Variants in CACNA1E observed in about 807,000 individuals in gnomAD.
The protein encoded by CACNA1E is calcium voltage-gated channel subunit alpha1 E, also known as voltage-dependent R-type calcium channel subunit alpha-1E.
In CACNA1E, 40 loss-of-function variants were observed where a neutral mutation model predicts 259.2. The ratio of observed to expected loss-of-function variants is 0.15; its 90% CI spans 0.12 to 0.20. The LOEUF is 0.20. Among genes scored for constraint, CACNA1E ranks in the 10% least tolerant of loss-of-function variants. CACNA1E has a pLI of 1.00. For synonymous variants in CACNA1E, 1,104 were observed against 1,138.5 expected, an observed-to-expected ratio of 0.97 and a Z score of 0.61; for missense variants, 1,874 against 3,040.1, an observed-to-expected ratio of 0.62 and a Z score of 9.02.
At chr1:181,360,932 C>T (rs1285591809) in intron 1 of CACNA1E, among the ~76,000 whole-genome samples, 1 of 152,154 alleles carries the variant, frequency 6.6e-6, no homozygotes, top group Non-Finnish European at 1.5e-5. Context: ...CAAGGACCCA[C>T]AGTGCTCTCA....
At chr1:181,420,569 G>C (rs59494112) in intron 2 of CACNA1E, among the ~76,000 whole-genome samples, 7,448 of 152,216 alleles carry the variant, frequency 0.049, 554 homozygotes, top group African/African-American at 0.16. Context: ...TTACAGGAGA[G>C]AAAAATGAGC....
rs1025683433 is a variant in CACNA1E, at chr1:181,807,693, C to T, written c.*8859C>T. ...TTTGAGCCAAGATATTTTCTTGAGC[C>T]CTAAGATATATGACTTTATTAGCTA... is the stretch of plus-strand genomic sequence containing the variant. On this transcript the variant is annotated 3_prime_UTR_variant, in exon 48 of 48. Coordinates refer to ENST00000367573, the MANE Select transcript of CACNA1E (RefSeq NM_001205293.3). 1 of 151,734 alleles carries T rather than the reference C, an allele frequency of 6.6e-6. No individual in the cohort carries two copies. The highest frequency in any genetic ancestry group is 2.4e-5 in the African/African-American group (1 of 41,276). The allele number at this position is 151,734 out of a possible 1,614,324, so 9.4% of individuals were successfully genotyped here.
intron 2 of CACNA1E, among the ~76,000 whole-genome samples, chr1:181,477,706 G>A (rs1375823730): frequency 2.6e-5 from 4 of 152,156 alleles, no homozygotes; most frequent in African/African-American, 9.7e-5. Context: ...TCTGAAGTTG[G>A]CTTTCAGAAA....
At chr1:181,767,336 C>T (rs1659105132) in intron 35 of CACNA1E, among the ~76,000 whole-genome samples, 1 of 152,184 alleles carries the variant, frequency 6.6e-6, no homozygotes, top group African/African-American at 2.4e-5. Flanking sequence ...TGAATTCCTA[C>T]TGTAAATAAC....
chr1:181,606,692 A>G lies in CACNA1E; in HGVS notation c.951+25916A>G, dbSNP rs1486791905. Among the ~76,000 whole-genome samples the G allele has an allele frequency of 5.3e-5, 8 of 152,232 alleles. No homozygotes were observed. The East Asian group carries it at 1.5e-3, about 29-fold the overall frequency. Reference sequence around the variant, plus strand: ...TACAGACCCAAAGCTAACATGATCCATAAGACGAGTGGCCTCTGCCAGCCT... The same window carrying G: ...TACAGACCCAAAGCTAACATGATCCGTAAGACGAGTGGCCTCTGCCAGCCT... On this transcript the variant is annotated intron_variant, in intron 6 of 47. Transcript: ENST00000367573.
intron 2 of CACNA1E, among the ~76,000 whole-genome samples, chr1:181,421,487 G>C (rs542995910): frequency 3.3e-5 from 5 of 152,120 alleles, no homozygotes; most frequent in Admixed American, 6.5e-5. Flanking sequence ...AATTTCCAAA[G>C]AACCCTTGAC....
chr1:181,547,194 A>T (rs1647568203), intron 3 of CACNA1E, among the ~76,000 whole-genome samples: 1 of 151,912 alleles, frequency 6.6e-6, no homozygotes, highest in Admixed American at 6.6e-5. Context: ...CTTCCTCAGC[A>T]CTGATGCCAC....
chr1:181,490,195 T>C (rs1664189899), intron 1 of CACNA1E, among the ~76,000 whole-genome samples: 1 of 152,194 alleles, frequency 6.6e-6, no homozygotes. Flanking sequence ...TGTGTTCTTA[T>C]AAGGTGAAGA....
chr1:181,332,015 T>C (rs957411615), intron 1 of CACNA1E, among the ~76,000 whole-genome samples: 1 of 152,208 alleles, frequency 6.6e-6, no homozygotes, highest in Non-Finnish European at 1.5e-5. Context: ...ACATATACAC[T>C]ATGGAATACT....
intron 1 of CACNA1E, among the ~76,000 whole-genome samples, chr1:181,391,933 CTCTCTCTCTCTCTGTGTGTGTGTGTGTG>C (rs1557965723): frequency 1.3e-5 from 1 of 79,868 alleles, no homozygotes; most frequent in African/African-American, 3.8e-5. Context: ...CTGTCTCTCT[CTCTCTCTCTCTCTGTGTGTGTGTGTGTG>C]TGTGTGTGTG....
intron 7 of CACNA1E, among the ~76,000 whole-genome samples, chr1:181,698,652 C>T (rs1320864461): frequency 6.6e-6 from 1 of 151,986 alleles, no homozygotes; most frequent in Non-Finnish European, 1.5e-5. Context: ...TAGCCTACCA[C>T]AGCCCTAGGC....
intron 26 of CACNA1E, 147 bp from the exon 27 acceptor site, chr1:181,751,996 C>A: frequency 2.8e-6 from 2 of 716,820 alleles, no homozygotes; most frequent in African/African-American, 1.7e-5. Context: ...TCCCTGGAGT[C>A]AAATCTGACT....
chr1:181,686,275 G>GTTTTTTTTTTTTTTTTTTTTT (rs66526388), intron 7 of CACNA1E, among the ~76,000 whole-genome samples: 5 of 58,670 alleles, frequency 8.5e-5, no homozygotes, highest in Non-Finnish European at 1.3e-4. Flanking sequence ...TAAGAACCAA[G>GTTTTTTTTTTTTTTTTTTTTT]TTTTTTTTTT....
At chr1:181,678,540 G>C (rs1361546062) in intron 7 of CACNA1E, among the ~76,000 whole-genome samples, 1 of 152,126 alleles carries the variant, frequency 6.6e-6, no homozygotes, top group Non-Finnish European at 1.5e-5. Context: ...TATCTAACAA[G>C]GACATACTGA....
intron 12 of CACNA1E, among the ~76,000 whole-genome samples, chr1:181,718,929 T>C (rs915128025): frequency 3.3e-5 from 5 of 152,198 alleles, no homozygotes; most frequent in Non-Finnish European, 7.3e-5. Flanking sequence ...TCGCAGAACT[T>C]TGGGCTCCTG....
Position 181,716,106 on chromosome 1 carries a change from A to G in CACNA1E, c.1292A>G (p.His431Arg). The G allele has an allele frequency of 1.9e-6, 3 of 1,568,638 alleles. No individual in the cohort carries two copies. The highest frequency in any genetic ancestry group is 1.9e-5 in the Admixed American group (1 of 53,668). Residue 431 changes from histidine (H) to arginine (R), a missense_variant, in exon 10 of 48, where the codon CAC (histidine) becomes CGC (arginine). Transcript: ENST00000367573. ...ATGACTCGAGACTCCAGTGATGAGC[A>G]CTGTGTTGATATCTCCTCTGTGGGT... ...EAMTRDSSDE[H>R]CVDISSVGTP...
At chr1:181,446,557 A>G (rs1213465292) in intron 2 of CACNA1E, among the ~76,000 whole-genome samples, 1 of 152,188 alleles carries the variant, frequency 6.6e-6, no homozygotes, top group Admixed American at 6.5e-5. Context: ...TAAAAAGATG[A>G]TCAAGTGCCA....
chr1:181,519,511 G>C (rs1317836850), intron 3 of CACNA1E, among the ~76,000 whole-genome samples: 1 of 152,152 alleles, frequency 6.6e-6, no homozygotes, highest in East Asian at 1.9e-4. Context: ...GTAAGGCTAA[G>C]GTTACTAAAG....
intron 6 of CACNA1E, among the ~76,000 whole-genome samples, chr1:181,597,920 C>T (rs1024078276): frequency 4.6e-5 from 7 of 152,310 alleles, no homozygotes; most frequent in South Asian, 4.1e-4. Context: ...CACCTCCCAC[C>T]GGCTTCCTCC....
Sources: gnomAD v4.1 joint callset for allele counts (sites outside exome capture counted in the v4.1 genomes callset) on GRCh38, gnomAD v4.1.1 for gene constraint, MANE v1.5 for transcripts, NCBI Gene and HGNC (gene_info 2026-07-23, HGNC 2026-07-21) for gene names.